Variants in FRMD4A observed in about 807,000 individuals in gnomAD.
FRMD4A encodes the protein FERM domain-containing protein 4A.
In FRMD4A, 29 loss-of-function variants were observed where a neutral mutation model predicts 129.1. The ratio of observed to expected loss-of-function variants is 0.22; its 90% CI spans 0.17 to 0.31. The LOEUF is 0.31. Ranked by LOEUF, FRMD4A falls within the 10% of genes least tolerant of loss-of-function variation. FRMD4A has a pLI of 1.00. For synonymous variants in FRMD4A, 634 were observed against 571.6 expected, an observed-to-expected ratio of 1.11 and a Z score of -1.56; for missense variants, 1,272 against 1,375.8, an observed-to-expected ratio of 0.92 and a Z score of 1.19.
intron 2 of FRMD4A, among the ~76,000 whole-genome samples, chr10:13,918,397 C>T (rs140391114): frequency 3.9e-4 from 60 of 152,208 alleles, no homozygotes; most frequent in Middle Eastern, 6.8e-3. Flanking sequence ...GAAACTTGAA[C>T]TTTCAAAGCA....
At chr10:14,058,966 T>C (rs1834677321) in intron 2 of FRMD4A, among the ~76,000 whole-genome samples, 2 of 152,028 alleles carry the variant, frequency 1.3e-5, no homozygotes, top group East Asian at 3.9e-4. Context: ...AAACTAAAAA[T>C]GATTTTCATT....
At chr10:14,262,552 C>G (rs1168526777) in intron 2 of FRMD4A, among the ~76,000 whole-genome samples, 1 of 152,198 alleles carries the variant, frequency 6.6e-6, no homozygotes, top group Non-Finnish European at 1.5e-5. Flanking sequence ...AGAACTGGGT[C>G]TTCTCCTTCC....
chr10:14,055,329 G>A (rs745847381), intron 2 of FRMD4A, among the ~76,000 whole-genome samples: 12 of 152,136 alleles, frequency 7.9e-5, no homozygotes, highest in African/African-American at 2.7e-4. Context: ...TCATCCTCAC[G>A]TCTTTATGAT....
chr10:14,036,168 G>A (rs372950524), intron 2 of FRMD4A, among the ~76,000 whole-genome samples: 1 of 152,280 alleles, frequency 6.6e-6, no homozygotes, highest in East Asian at 1.9e-4. Context: ...AAGCCCAGGC[G>A]ATCATTCCTG....
chr10:14,123,595 G>A (rs1390207266), intron 2 of FRMD4A, among the ~76,000 whole-genome samples: 2 of 152,178 alleles, frequency 1.3e-5, no homozygotes, highest in African/African-American at 2.4e-5. Context: ...AAGGGGCCCA[G>A]GTTGGTCTCC....
intron 2 of FRMD4A, among the ~76,000 whole-genome samples, chr10:14,041,029 A>C (rs78059810): frequency 0.041 from 6,319 of 152,316 alleles, 239 homozygotes; most frequent in African/African-American, 0.11. Context: ...CAAAGGAATT[A>C]TATAACTCCC....
intron 2 of FRMD4A, among the ~76,000 whole-genome samples, chr10:14,066,309 G>C (rs1270841465): frequency 2.6e-5 from 4 of 151,948 alleles, no homozygotes; most frequent in Non-Finnish European, 5.9e-5. Flanking sequence ...TCCTCTTGGT[G>C]GGGGGTGTGG....
intron 2 of FRMD4A, among the ~76,000 whole-genome samples, chr10:14,018,275 G>A (rs1190313326): frequency 1.3e-5 from 2 of 148,672 alleles, no homozygotes; most frequent in Non-Finnish European, 3.0e-5. Flanking sequence ...GTGAAACCCC[G>A]TCTCTACTAA....
intron 2 of FRMD4A, among the ~76,000 whole-genome samples, chr10:14,148,623 C>T (rs1488072224): frequency 6.6e-6 from 1 of 152,008 alleles, no homozygotes; most frequent in Non-Finnish European, 1.5e-5. Flanking sequence ...ATTAGCCAGG[C>T]ATGGTGGCAT....
chr10:14,001,120 ATAT>A (rs2095641375), intron 2 of FRMD4A, among the ~76,000 whole-genome samples: 1 of 152,126 alleles, frequency 6.6e-6, no homozygotes, highest in Non-Finnish European at 1.5e-5. Flanking sequence ...GATCTTGGTA[ATAT>A]TATTTCCTTG....
intron 3 of FRMD4A, among the ~76,000 whole-genome samples, chr10:13,852,585 T>C (rs182412568): frequency 6.6e-6 from 1 of 152,300 alleles, no homozygotes; most frequent in Non-Finnish European, 1.5e-5. Context: ...TGTATATTTA[T>C]TTTATCTTAA....
intron 2 of FRMD4A, among the ~76,000 whole-genome samples, chr10:14,271,145 A>G (rs1035369382): frequency 3.3e-5 from 5 of 152,312 alleles, no homozygotes; most frequent in East Asian, 3.9e-4. Flanking sequence ...TGGCTCACTT[A>G]TCACCAAGGA....
intron 2 of FRMD4A, among the ~76,000 whole-genome samples, chr10:14,027,348 A>G (rs1334441791): frequency 6.6e-6 from 1 of 152,188 alleles, no homozygotes; most frequent in Non-Finnish European, 1.5e-5. Flanking sequence ...GGCTTTAAAA[A>G]CAGTCAATGC....
rs777740390 is a variant in FRMD4A, at chr10:13,694,153, CCTGA to C, written c.976-118_976-115del. On this transcript the variant is annotated intron_variant, in intron 14 of 24. Transcript: ENST00000357447. ...GACATTCCGCAAAGGGACTTATCTC[CCTGA>C]CTAATGTGCAGCATTTTTGTTTGCA... The C allele has an allele frequency of 2.6e-5, 20 of 767,462 alleles. No individual in the cohort carries two copies. In the East Asian group the frequency reaches 4.9e-4, roughly 19 times the overall value. The allele number at this position is 767,462 out of a possible 1,614,324, so 47.5% of individuals were successfully genotyped here.
chr10:13,971,721 C>G (rs2095519524), intron 2 of FRMD4A: 10 of 1,304,406 alleles, frequency 7.7e-6, no homozygotes, highest in Non-Finnish European at 1.0e-5. Flanking sequence ...ATGTTCCTCA[C>G]TTGGCAGGTC....
chr10:14,289,420 T>C (rs944856952), intron 2 of FRMD4A, among the ~76,000 whole-genome samples: 1 of 152,192 alleles, frequency 6.6e-6, no homozygotes, highest in Non-Finnish European at 1.5e-5. Flanking sequence ...TATTTATATG[T>C]CTTCTTTGAA....
chr10:14,262,187 C>A lies in FRMD4A; in HGVS notation c.45+67871G>T, dbSNP rs563140634. Among the ~76,000 whole-genome samples the A allele has an allele frequency of 2.0e-5, 3 of 152,252 alleles. No individual in the cohort carries two copies. In the East Asian group the frequency reaches 5.8e-4, roughly 29 times the overall value. On this transcript the variant is annotated intron_variant, in intron 2 of 24. Coordinates refer to ENST00000357447, the MANE Select transcript of FRMD4A (RefSeq NM_018027.5). Reference sequence around the variant, plus strand: ...CTGCAGAGAGATTTCACATTTCAGTCCCTGCCTTTCTCCAAATTTCTATAT... The same window carrying A: ...CTGCAGAGAGATTTCACATTTCAGTACCTGCCTTTCTCCAAATTTCTATAT...
chr10:13,889,134 G>A (rs2698127), intron 2 of FRMD4A, among the ~76,000 whole-genome samples: 81,780 of 152,152 alleles, frequency 0.54, 22,564 homozygotes, highest in East Asian at 0.69. Flanking sequence ...AGGCAGTAAC[G>A]ATCTTTGATG....
intron 2 of FRMD4A, among the ~76,000 whole-genome samples, chr10:13,966,295 T>C (rs978301781): frequency 1.3e-5 from 2 of 152,206 alleles, no homozygotes; most frequent in Non-Finnish European, 2.9e-5. Context: ...AGTGTAAGTT[T>C]GTATAATTTT....
Sources: allele counts gnomAD v4.1 joint callset (sites outside exome capture counted in the v4.1 genomes callset), GRCh38; gene constraint gnomAD v4.1.1; transcripts MANE v1.5; gene names NCBI Gene and HGNC (gene_info 2026-07-23, HGNC 2026-07-21).